Variants in SORCS3 observed in about 807,000 individuals in gnomAD.
SORCS3 encodes VPS10 domain-containing receptor SorCS3.
A neutral mutation model predicts 146.3 loss-of-function variants in SORCS3; 57 were observed. The observed-to-expected ratio is 0.39, with a 90% CI of 0.31 to 0.49. The LOEUF is 0.49. Among genes scored for constraint, SORCS3 ranks in the 20% least tolerant of loss-of-function variants. The pLI is 0.92. For missense variants in SORCS3, 1,341 were observed against 1,575.5 expected (o/e 0.85, Z 2.52); for synonymous variants, 653 against 618.5 (o/e 1.06, Z -0.83).
chr10:105,155,178 G>A (rs7898999), intron 9 of SORCS3, among the ~76,000 whole-genome samples: 31,887 of 152,066 alleles, frequency 0.21, 4,018 homozygotes, highest in Middle Eastern at 0.31. Flanking sequence ...GTGCTCAGTC[G>A]GAAAACATGG....
intron 9 of SORCS3, 46 bp from the exon 10 acceptor site, chr10:105,157,092 G>A (rs376687092): frequency 1.1e-5 from 18 of 1,602,140 alleles, no homozygotes; most frequent in East Asian, 1.1e-4. Context: ...AAGACCAAAG[G>A]CATGTTGGCC....
chr10:105,118,495 A>G (rs1043198614), intron 7 of SORCS3, among the ~76,000 whole-genome samples: 5 of 152,206 alleles, frequency 3.3e-5, no homozygotes, highest in Non-Finnish European at 7.3e-5. Context: ...GTGCTGCTAT[A>G]AAGATACCCC....
rs1399766074 is a variant in SORCS3, at chr10:105,016,152, TA to T, written c.955-26902del. ...TTATATAAATATATATATATATATA[TA>T]TATTTTTTTTTTTTTTTGAGATGGA... On this transcript the variant is annotated intron_variant, in intron 4 of 26. Transcript: ENST00000369701. Among the ~76,000 whole-genome samples the T allele has an allele frequency of 5.0e-3, 541 of 107,338 alleles. 10 individuals carry two copies. The highest frequency in any genetic ancestry group is 0.021 in the African/African-American group (398 of 18,738). The allele number at this position is 107,338 out of a possible 152,430, so 70.4% of individuals were successfully genotyped here. A position where few individuals can be genotyped will look rare whatever the true frequency, so the allele number is the denominator to read the frequency against.
At chr10:104,777,952 T>C (rs545367224) in intron 1 of SORCS3, among the ~76,000 whole-genome samples, 45 of 152,270 alleles carry the variant, frequency 3.0e-4, no homozygotes, top group African/African-American at 9.9e-4. Context: ...AAATGGTGGT[T>C]ACCAGAGACT....
At chr10:104,940,227 TATATATA>T (rs2019300875) in intron 3 of SORCS3, among the ~76,000 whole-genome samples, 1 of 17,740 alleles carries the variant, frequency 5.6e-5, no homozygotes, top group East Asian at 1.9e-3. Flanking sequence ...TATATATATA[TATATATA>T]TATATTTTTT....
intron 2 of SORCS3, among the ~76,000 whole-genome samples, chr10:104,868,501 G>A (rs1190830874): frequency 1.3e-5 from 2 of 152,214 alleles, no homozygotes; most frequent in African/African-American, 4.8e-5. Flanking sequence ...ATTTCAGATA[G>A]AGACCGCTTT....
At chr10:105,110,707 G>T (rs1163317306) in intron 7 of SORCS3, among the ~76,000 whole-genome samples, 1 of 152,092 alleles carries the variant, frequency 6.6e-6, no homozygotes, top group East Asian at 1.9e-4. Flanking sequence ...TTCAGAGTTA[G>T]ATTTTCATTA....
chr10:104,885,896 AAAG>A (rs1382936004), intron 2 of SORCS3, among the ~76,000 whole-genome samples: 3 of 152,234 alleles, frequency 2.0e-5, no homozygotes, highest in Admixed American at 2.0e-4. Context: ...GCAAGAAAGA[AAAG>A]AAGAATATAG....
chr10:104,791,661 C>T (rs150629510), intron 1 of SORCS3, among the ~76,000 whole-genome samples: 298 of 152,246 alleles, frequency 2.0e-3, no homozygotes, highest in Middle Eastern at 6.8e-3. Flanking sequence ...TGCCTTTAGC[C>T]CTCAGCTTGG....
intron 16 of SORCS3, among the ~76,000 whole-genome samples, chr10:105,204,583 G>T (rs1327513073): frequency 6.6e-6 from 1 of 151,888 alleles, no homozygotes; most frequent in East Asian, 1.9e-4. Flanking sequence ...GTGTATGTTT[G>T]CATTTTTATA....
At chr10:105,217,744 T>G in intron 19 of SORCS3, 1 of 450,078 alleles carries the variant, frequency 2.2e-6, no homozygotes, top group South Asian at 1.6e-5. Context: ...AAAGAACAGT[T>G]GGTGTTCCAA....
chr10:105,238,029 A>G (rs1276838213), intron 20 of SORCS3, among the ~76,000 whole-genome samples: 1 of 152,192 alleles, frequency 6.6e-6, no homozygotes, highest in Non-Finnish European at 1.5e-5. Context: ...CATTCTCCAT[A>G]CCTTCAAGGA....
intron 2 of SORCS3, among the ~76,000 whole-genome samples, chr10:104,909,325 T>C (rs1401064762): frequency 6.6e-6 from 1 of 152,126 alleles, no homozygotes; most frequent in Non-Finnish European, 1.5e-5. Flanking sequence ...GCCTAGCCCA[T>C]GTCAGATGCC....
chr10:104,691,790 G>A (rs1474207495), intron 1 of SORCS3, among the ~76,000 whole-genome samples: 1 of 152,086 alleles, frequency 6.6e-6, no homozygotes, highest in East Asian at 1.9e-4. Flanking sequence ...ACCCAGGCTG[G>A]AGTGCAGTGG....
intron 2 of SORCS3, among the ~76,000 whole-genome samples, chr10:104,901,642 A>G (rs2018852468): frequency 6.6e-6 from 1 of 151,956 alleles, no homozygotes; most frequent in Non-Finnish European, 1.5e-5. Context: ...AATTTCACCA[A>G]TGTGCTATGT....
chr10:104,697,666 C>T lies in SORCS3; in HGVS notation c.627+55712C>T, dbSNP rs970075332. ...AGTGCATTTATGGATGATCACAGGGCTGTCACCCAAGCCTGTTAAAATGTT... is the reference window on the plus strand; with the variant it reads ...AGTGCATTTATGGATGATCACAGGGTTGTCACCCAAGCCTGTTAAAATGTT... On this transcript the variant is annotated intron_variant, in intron 1 of 26. Coordinates refer to ENST00000369701, the MANE Select transcript of SORCS3 (RefSeq NM_014978.3). Among the ~76,000 whole-genome samples, 7 of 152,248 alleles carry T rather than the reference C, an allele frequency of 4.6e-5. No homozygotes were observed. The East Asian group carries it at 1.2e-3, about 25-fold the overall frequency.
intron 3 of SORCS3, among the ~76,000 whole-genome samples, chr10:104,941,968 C>T (rs2019324544): frequency 6.6e-6 from 1 of 152,292 alleles, no homozygotes; most frequent in African/African-American, 2.4e-5. Flanking sequence ...AAAAAAGACA[C>T]AATTTAATGT....
At position 104,705,268 on chromosome 10, in the gene SORCS3, C is replaced by T. The variant is rs77468490; in HGVS notation, c.627+63314C>T. Among the ~76,000 whole-genome samples, 363 of 139,458 alleles carry T rather than the reference C, an allele frequency of 2.6e-3. 9 individuals carry two copies. The East Asian group carries it at 0.066, about 25-fold the overall frequency. The allele number at this position is 139,458 out of a possible 152,430, so 91.5% of individuals were successfully genotyped here. On this transcript the variant is annotated intron_variant, in intron 1 of 26. Coordinates refer to ENST00000369701, the MANE Select transcript of SORCS3 (RefSeq NM_014978.3). ...TTAATTGGTCTGCTGATTAGAGTTC[C>T]GGATTATCTTTCTTGTTTAACTCAC...
chr10:104,746,397 G>A (rs1022597333), intron 1 of SORCS3, among the ~76,000 whole-genome samples: 8 of 152,150 alleles, frequency 5.3e-5, no homozygotes, highest in Non-Finnish European at 2.9e-5. Flanking sequence ...TGGCCTCCCA[G>A]AGTGCTGGGA....
Sources: allele counts gnomAD v4.1 joint callset (sites outside exome capture counted in the v4.1 genomes callset), GRCh38; gene constraint gnomAD v4.1.1; transcripts MANE v1.5; gene names NCBI Gene and HGNC (gene_info 2026-07-23, HGNC 2026-07-21).